The following ATG5 variants were observed in gnomAD, a reference collection of about 807,000 sequenced individuals.
The protein encoded by ATG5 is autophagy protein 5.
A neutral mutation model predicts 36.5 loss-of-function variants in ATG5; 14 were observed. The observed-to-expected ratio is 0.38, with a 90% CI of 0.25 to 0.60. The LOEUF is 0.60. Ranked by LOEUF, ATG5 falls within the 20% of genes least tolerant of loss-of-function variation. ATG5 has a pLI of 0.60. For missense variants in ATG5, 195 were observed against 326.7 expected (o/e 0.60, Z 3.11); for synonymous variants, 95 against 101.5 (o/e 0.94, Z 0.38).
intron 5 of ATG5, among the ~76,000 whole-genome samples, chr6:106,260,030 T>C (rs1483659729): frequency 6.6e-6 from 1 of 152,068 alleles, no homozygotes. Flanking sequence ...ACACTGCATG[T>C]TCTCACTCAT....
intron 6 of ATG5, among the ~76,000 whole-genome samples, chr6:106,222,090 C>A (rs1462552002): frequency 6.6e-6 from 1 of 152,070 alleles, no homozygotes; most frequent in Non-Finnish European, 1.5e-5. Context: ...CAGGGTTTCA[C>A]CACGTTAAAC....
intron 5 of ATG5, among the ~76,000 whole-genome samples, chr6:106,251,658 A>AGGC (rs1190685689): frequency 1.8e-5 from 1 of 56,786 alleles, no homozygotes; most frequent in Non-Finnish European, 3.6e-5. Flanking sequence ...GGAGGGAGGG[A>AGGC]GGAAGGGAGG....
intron 6 of ATG5, among the ~76,000 whole-genome samples, chr6:106,231,231 T>G (rs1287612718): frequency 6.6e-6 from 1 of 152,208 alleles, no homozygotes; most frequent in Non-Finnish European, 1.5e-5. Flanking sequence ...ATGGCTATAT[T>G]GATGTTTTAC....
At chr6:106,288,585 A>G (rs557010951) in intron 4 of ATG5, among the ~76,000 whole-genome samples, 38 of 152,312 alleles carry the variant, frequency 2.5e-4, no homozygotes, top group Middle Eastern at 6.8e-3. Flanking sequence ...GACAATTACC[A>G]TTAACTTTTA....
intron 5 of ATG5, among the ~76,000 whole-genome samples, chr6:106,252,768 G>T (rs1041323815): frequency 6.6e-6 from 1 of 152,226 alleles, no homozygotes; most frequent in African/African-American, 2.4e-5. Flanking sequence ...GGAAACCGAT[G>T]AAATGGTCTC....
chr6:106,324,947 A>C (rs1484529744), intron 1 of ATG5, among the ~76,000 whole-genome samples: 1 of 152,202 alleles, frequency 6.6e-6, no homozygotes, highest in African/African-American at 2.4e-5. Context: ...CTGATTGCTC[A>C]AGACAGGCTG....
In ATG5 at chr6:106,259,466, T is replaced by C. The variant is rs574215191; in HGVS notation, c.479-11222A>G. On this transcript the variant is annotated intron_variant, in intron 5 of 7. Coordinates refer to ENST00000369076, the MANE Select transcript of ATG5 (RefSeq NM_004849.4). ...AGATATCTGAATTGCATTACTCTAC[T>C]GAGTACTAACACCTGAAAATAAATA... Among the ~76,000 whole-genome samples the C allele has an allele frequency of 2.0e-5, 3 of 152,334 alleles. No homozygotes were observed. In the South Asian group the frequency reaches 6.2e-4, roughly 32 times the overall value.
At chr6:106,241,522 G>A (rs565265889) in intron 6 of ATG5, among the ~76,000 whole-genome samples, 37 of 152,286 alleles carry the variant, frequency 2.4e-4, no homozygotes, top group Non-Finnish European at 3.8e-4. Context: ...AAAACAGGGT[G>A]TACACCCATT....
intron 2 of ATG5, among the ~76,000 whole-genome samples, chr6:106,312,826 G>A (rs764343948): frequency 3.3e-5 from 5 of 152,182 alleles, no homozygotes; most frequent in African/African-American, 4.8e-5. Context: ...AATACCATTA[G>A]TGACTTTGGC....
intron 6 of ATG5, among the ~76,000 whole-genome samples, chr6:106,229,789 A>G (rs1269209311): frequency 6.6e-6 from 1 of 152,236 alleles, no homozygotes. Flanking sequence ...TTCAATCTGT[A>G]GCGGCAACTG....
chr6:106,322,149 C>G (rs1235603112), intron 1 of ATG5, among the ~76,000 whole-genome samples: 3 of 152,268 alleles, frequency 2.0e-5, no homozygotes, highest in East Asian at 1.9e-4. Flanking sequence ...TTCTTGAGGG[C>G]AGGGGCTATT....
rs574174828 is a variant in ATG5, at chr6:106,192,229, A to T, written c.692-5553T>A. ...GACTTTAGGTAAGGTTATTTTTTTT[A>T]AAAAAGATGAAAACATTCAGGTAAA... On this transcript the variant is annotated intron_variant, in intron 7 of 7. Coordinates refer to ENST00000369076, the MANE Select transcript of ATG5 (RefSeq NM_004849.4). 2.0e-3 allele frequency among the ~76,000 whole-genome samples: 301 copies of T among 151,786 alleles called. 2 individuals carry two copies. Among genetic ancestry groups the T allele is most frequent in the African/African-American group, 6.7e-3 (279 of 41,482 alleles).
intron 6 of ATG5, among the ~76,000 whole-genome samples, chr6:106,245,866 CCATA>C (rs1778311485): frequency 6.6e-6 from 1 of 151,984 alleles, no homozygotes; most frequent in African/African-American, 2.4e-5. Flanking sequence ...AATATCACAA[CCATA>C]CAAACTAATC....
rs578222981 is a variant in ATG5, at chr6:106,271,448, A to T, written c.478+8213T>A. On this transcript the variant is annotated intron_variant, in intron 5 of 7. Transcript: ENST00000369076. ...TAGTCTGTGAGGACACAAAGAGAAG[A>T]TAGCTATGAATCAGGAAGAGGGCCC... Among the ~76,000 whole-genome samples the T allele has an allele frequency of 1.1e-4, 16 of 152,326 alleles. No homozygotes were observed. The East Asian group carries it at 3.1e-3, about 29-fold the overall frequency.
At chr6:106,237,553 G>A (rs1382825340) in intron 6 of ATG5, among the ~76,000 whole-genome samples, 3 of 152,120 alleles carry the variant, frequency 2.0e-5, no homozygotes, top group Non-Finnish European at 4.4e-5. Flanking sequence ...CCACAGAAGT[G>A]TTATGAAAGT....
At chr6:106,215,801 ACAT>A (rs1455109536) in intron 6 of ATG5, among the ~76,000 whole-genome samples, 1 of 152,212 alleles carries the variant, frequency 6.6e-6, no homozygotes, top group Non-Finnish European at 1.5e-5. Flanking sequence ...TCTTCAAATG[ACAT>A]CATCAAGAAA....
chr6:106,295,407 A>C (rs1412795796), intron 3 of ATG5, among the ~76,000 whole-genome samples: 2 of 152,228 alleles, frequency 1.3e-5, no homozygotes, highest in African/African-American at 4.8e-5. Context: ...AGTCTAATCT[A>C]TTAGATAAGA....
In ATG5 at chr6:106,273,042, TCA is replaced by T. The variant is rs59055640; in HGVS notation, c.478+6617_478+6618del. 3.2e-3 allele frequency among the ~76,000 whole-genome samples: 490 copies of T among 152,310 alleles called. 4 individuals carry two copies. The highest frequency in any genetic ancestry group is 0.011 in the African/African-American group (464 of 41,574). On this transcript the variant is annotated intron_variant, in intron 5 of 7. Coordinates refer to ENST00000369076, the MANE Select transcript of ATG5 (RefSeq NM_004849.4). ...TTGCTCTTATTTATACAATGTAATCTCAGTGTTCCAAAGACTGATAAAAATCT... is the reference window on the plus strand; with the variant it reads ...TTGCTCTTATTTATACAATGTAATCTGTGTTCCAAAGACTGATAAAAATCT...
At chr6:106,204,198 C>T (rs1005089124) in intron 6 of ATG5, among the ~76,000 whole-genome samples, 3 of 151,788 alleles carry the variant, frequency 2.0e-5, no homozygotes, top group Non-Finnish European at 4.4e-5. Context: ...GCACATTCTG[C>T]ACATGTATTC....
Sources: allele counts gnomAD v4.1 joint callset (sites outside exome capture counted in the v4.1 genomes callset), GRCh38; gene constraint gnomAD v4.1.1; transcripts MANE v1.5; gene names NCBI Gene and HGNC (gene_info 2026-07-23, HGNC 2026-07-21).